The following ITGB5 variants were observed in gnomAD, a reference collection of about 807,000 sequenced individuals.
ITGB5 encodes the protein integrin subunit beta 5.
In ITGB5, 38 loss-of-function variants were observed where a neutral mutation model predicts 84.8. The ratio of observed to expected loss-of-function variants is 0.45; its 90% CI spans 0.35 to 0.59. The LOEUF is 0.59. Among genes scored for constraint, ITGB5 ranks in the 20% least tolerant of loss-of-function variants. The probability of loss-of-function intolerance (pLI) is 0.01; values close to 1 mark genes in which losing one functional copy is unlikely to be tolerated. For missense variants in ITGB5, 905 were observed against 1,034.5 expected (o/e 0.87, Z 1.72); for synonymous variants, 393 against 414.4 (o/e 0.95, Z 0.63).
chr3:124,842,798 A>G (rs1453381752), intron 4 of ITGB5, among the ~76,000 whole-genome samples: 1 of 152,160 alleles, frequency 6.6e-6, no homozygotes, highest in Non-Finnish European at 1.5e-5. Context: ...CAAAAAGCAG[A>G]CTCACCAGGG....
intron 9 of ITGB5, among the ~76,000 whole-genome samples, chr3:124,805,054 T>TCCTTG (rs1553758104): frequency 8.0e-6 from 1 of 124,406 alleles, no homozygotes; most frequent in Non-Finnish European, 1.7e-5. Context: ...CTGCCCTCCC[T>TCCTTG]CCCTGCCCTG....
rs1257614148 is a variant in ITGB5 at position 124,770,667 on chromosome 3, T to G, written c.1917-1554A>C. On this transcript the variant is annotated intron_variant, in intron 11 of 14. Coordinates refer to ENST00000296181, the MANE Select transcript of ITGB5 (RefSeq NM_002213.5). ...CAGCCAGGTGCCCCACCTCTCAGAC[T>G]AGGCTTCCTAAGAGGTTCTAACATG... is the stretch of plus-strand genomic sequence containing the variant. Among the ~76,000 whole-genome samples, 34 of 152,156 alleles carry G rather than the reference T, an allele frequency of 2.2e-4. 1 individual carries two copies. Among genetic ancestry groups the G allele is most frequent in the Non-Finnish European group, 5.9e-5 (4 of 68,034 alleles).
intron 1 of ITGB5, among the ~76,000 whole-genome samples, chr3:124,893,809 G>A (rs1935046413): frequency 6.6e-6 from 1 of 152,174 alleles, no homozygotes; most frequent in Non-Finnish European, 1.5e-5. Flanking sequence ...TTGAGAAACG[G>A]AGTACCAAAC....
At chr3:124,771,585 C>T (rs2063844718) in intron 11 of ITGB5, among the ~76,000 whole-genome samples, 1 of 151,380 alleles carries the variant, frequency 6.6e-6, no homozygotes, top group South Asian at 2.1e-4. Context: ...CCTGTCTCTA[C>T]AAAAAAATAA....
chr3:124,817,613 T>C lies in ITGB5; in HGVS notation c.1128+8A>G, dbSNP rs2064624989. On this transcript the variant is annotated splice_region_variant and intron_variant, in intron 8 of 14. Coordinates refer to ENST00000296181, the MANE Select transcript of ITGB5 (RefSeq NM_002213.5). The stretch of plus-strand genomic sequence containing the variant: ...AGGTGGCAGTGGGGGAAGAAACTGA[T>C]GACTTACATTGTATGCATTAATAAT... 2 of 1,434,600 alleles carry C rather than the reference T, an allele frequency of 1.4e-6. No individual in the cohort carries two copies. Among genetic ancestry groups the C allele is most frequent in the Non-Finnish European group, 1.9e-6 (2 of 1,044,262 alleles). The allele number at this position is 1,434,600 out of a possible 1,614,324, so 88.9% of individuals were successfully genotyped here.
chr3:124,804,990 CTTCTTTCT>C (rs200317893), intron 9 of ITGB5, among the ~76,000 whole-genome samples: 2 of 151,048 alleles, frequency 1.3e-5, no homozygotes, highest in African/African-American at 4.9e-5. Context: ...TCCTTCCTTC[CTTCTTTCT>C]TTTTCTTTCT....
chr3:124,775,548 T>C (rs1402427506), intron 10 of ITGB5, among the ~76,000 whole-genome samples: 1 of 152,198 alleles, frequency 6.6e-6, no homozygotes, highest in African/African-American at 2.4e-5. Flanking sequence ...AGTGCTACAA[T>C]TGGTATTTTT....
chr3:124,798,526 T>C (rs1050696990), intron 9 of ITGB5, among the ~76,000 whole-genome samples: 2 of 151,964 alleles, frequency 1.3e-5, no homozygotes, highest in African/African-American at 2.4e-5. Context: ...TGCAAGCGAT[T>C]TTCCCATCTC....
intron 13 of ITGB5, among the ~76,000 whole-genome samples, 155 bp downstream of exon 13, chr3:124,766,071 A>AAAAG (rs1188140884): frequency 2.6e-5 from 4 of 152,006 alleles, no homozygotes; most frequent in South Asian, 4.2e-4. Flanking sequence ...AAAAAAAAAA[A>AAAAG]AAAAAGAAAA....
intron 9 of ITGB5, among the ~76,000 whole-genome samples, chr3:124,803,380 T>C (rs1328917805): frequency 6.6e-6 from 1 of 152,120 alleles, no homozygotes; most frequent in Non-Finnish European, 1.5e-5. Flanking sequence ...GTCTCAGTTT[T>C]TCATACATAA....
chr3:124,859,363 C>G lies in ITGB5; in HGVS notation c.240G>C (p.Glu80Asp). The G allele has an allele frequency of 6.2e-7, 1 of 1,614,130 alleles. No homozygotes were observed. Among genetic ancestry groups the G allele is most frequent in the Non-Finnish European group, 8.5e-7 (1 of 1,180,024 alleles). Residue 80 changes from glutamate to aspartate, a missense_variant, in exon 3 of 15, where the codon GAG (glutamate) becomes GAC (aspartate). Physicochemically the swap from Glu to Asp is conservative, Grantham distance 45. Around this residue, in one of 3 missense-constraint regions of ITGB5, gnomAD observed 656 missense variants for 734.7 expected, o/e 0.89. Transcript: ENST00000296181. ...GGACATGGAAGCTGCTGGCTGGGCT[C>G]TCTATCTCACCTCCACAGCCATTTT... is the stretch of plus-strand genomic sequence containing the variant. ...LVKNGCGGEIESPASSFHVLR... is the reference protein window; with the variant it reads ...LVKNGCGGEIDSPASSFHVLR...
At chr3:124,900,009 G>A (rs1298479039) in intron 1 of ITGB5, among the ~76,000 whole-genome samples, 1 of 152,000 alleles carries the variant, frequency 6.6e-6, no homozygotes, top group East Asian at 1.9e-4. Flanking sequence ...GGTAATAAAG[G>A]CCATTAACCT....
At chr3:124,815,081 T>C (rs1302727533) in intron 8 of ITGB5, among the ~76,000 whole-genome samples, 1 of 152,180 alleles carries the variant, frequency 6.6e-6, no homozygotes, top group Non-Finnish European at 1.5e-5. Context: ...TGAATGTAGA[T>C]ATATGAGAAA....
At chr3:124,878,516 A>G (rs554630999) in intron 1 of ITGB5, 1 of 152,334 alleles carries the variant, frequency 6.6e-6, no homozygotes, top group South Asian at 2.1e-4. Context: ...GGACACATTC[A>G]AATTCAAGAA....
chr3:124,826,609 C>T (rs774560629), intron 5 of ITGB5, among the ~76,000 whole-genome samples: 1 of 152,170 alleles, frequency 6.6e-6, no homozygotes, highest in Non-Finnish European at 1.5e-5. Context: ...CTAGCAAGGG[C>T]CAGAGAAGCC....
At chr3:124,769,138 GGGT>G (rs770122873) in intron 11 of ITGB5, 25 bp from the exon 12 acceptor site, 1 of 1,596,156 alleles carries the variant, frequency 6.3e-7, no homozygotes, top group East Asian at 2.2e-5. Flanking sequence ...AGATAAAGGT[GGGT>G]GTCAGATAAT....
rs540192976 is a variant in ITGB5 at position 124,762,116 on chromosome 3, C to T, written c.*1507G>A. On this transcript the variant is annotated 3_prime_UTR_variant, in exon 15 of 15. Transcript: ENST00000296181. ...ATATTTACACAAGATGAAGGAAACT[C>T]AATCTGTTCGTATTTGCCCCAGGTA... 6.6e-6 allele frequency: 1 copy of T among 152,292 alleles called. No homozygotes were observed. The highest frequency in any genetic ancestry group is 2.4e-5 in the African/African-American group (1 of 41,560). 9.4% of individuals were successfully genotyped at this position (152,292 alleles called of 1,614,324 possible).
At chr3:124,784,474 GGA>G (rs1224863810) in intron 10 of ITGB5, among the ~76,000 whole-genome samples, 1 of 152,194 alleles carries the variant, frequency 6.6e-6, no homozygotes, top group East Asian at 1.9e-4. Context: ...CGCCAGTCTA[GGA>G]GAGACAGTGA....
rs1044487514 is a variant in ITGB5, at chr3:124,763,660, T to C, written c.2363A>G (p.Asn788Ser). 3.2e-6 allele frequency: 5 copies of C among 1,585,148 alleles called. No homozygotes were observed. The highest frequency in any genetic ancestry group is 3.4e-5 in the Admixed American group (2 of 59,486). The change falls in exon 15 of 15, where the codon AAC becomes AGC. Residue 788 changes from asparagine (N) to serine (S), a missense_variant. Transcript: ENST00000296181. The part of the protein sequence containing the change: ...ISTHTVDFTF[N>S]KFNKSYNGTV... Reference sequence around the variant, plus strand: ...GCCATTGTAGGATTTGTTGAACTTGTTGAAGGTGAAGTCCACAGTGTGCGT... The same window carrying C: ...GCCATTGTAGGATTTGTTGAACTTGCTGAAGGTGAAGTCCACAGTGTGCGT...
Sources: gnomAD v4.1 joint callset for allele counts (sites outside exome capture counted in the v4.1 genomes callset) on GRCh38, gnomAD v4.1.1 for gene constraint, gnomAD v4.1.1 regional missense constraint, MANE v1.5 for transcripts, NCBI Gene and HGNC (gene_info 2026-07-23, HGNC 2026-07-21) for gene names.